PLPP1: variants seen among roughly 807,000 people sequenced by gnomAD.
The protein encoded by PLPP1 is lipid phosphate phosphohydrolase 1a.
Under a neutral mutation model 31.2 loss-of-function variants are expected in PLPP1, and 24 were observed. The observed-to-expected ratio is 0.77, with a 90% CI of 0.56 to 1.08. The LOEUF is 1.08. PLPP1 is among the 50% of genes least tolerant of loss of function. The pLI is 0.00. For synonymous variants in PLPP1, 146 were observed against 126.3 expected, an observed-to-expected ratio of 1.16 and a Z score of -1.05; for missense variants, 319 against 342.7, an observed-to-expected ratio of 0.93 and a Z score of 0.55.
In PLPP1 at chr5:55,448,850, C is replaced by T. The variant is rs1195972572; in HGVS notation, c.492-6942G>A. ...CCAAAATCCATGGATGCTCAAGTCC[C>T]TGATATAAAATGACACAGTATTTGC... On this transcript the variant is annotated intron_variant, in intron 3 of 5. Coordinates refer to ENST00000307259, the MANE Select transcript of PLPP1 (RefSeq NM_003711.4). Among the ~76,000 whole-genome samples the T allele has an allele frequency of 2.0e-5, 3 of 152,252 alleles. No homozygotes were observed. In the East Asian group the frequency reaches 5.8e-4, roughly 29 times the overall value.
chr5:55,447,979 T>C (rs181077421), intron 3 of PLPP1, among the ~76,000 whole-genome samples: 3 of 152,336 alleles, frequency 2.0e-5, no homozygotes, highest in Non-Finnish European at 4.4e-5. Flanking sequence ...AAAGTTTATA[T>C]AACAGCAGAT....
chr5:55,461,774 G>C (rs975782592), intron 3 of PLPP1, among the ~76,000 whole-genome samples: 15 of 151,994 alleles, frequency 9.9e-5, no homozygotes, highest in African/African-American at 3.4e-4. Context: ...GAGAAAAGAA[G>C]TACAGCTCTC....
At position 55,534,280 on chromosome 5, in the gene PLPP1, A is replaced by G. The variant is rs1740794285; in HGVS notation, c.58+292T>C. Reference sequence around the variant, plus strand: ...GGGGAGGAGCCCACCCTGCTCTGCTAGAGTGGAACTGCAAACAGAGGACAG... The same window carrying G: ...GGGGAGGAGCCCACCCTGCTCTGCTGGAGTGGAACTGCAAACAGAGGACAG... On this transcript the variant is annotated intron_variant, in intron 1 of 5. Transcript: ENST00000307259. Among the ~76,000 whole-genome samples the G allele has an allele frequency of 2.0e-5, 3 of 152,310 alleles. No individual in the cohort carries two copies. In the South Asian group the frequency reaches 6.2e-4, roughly 32 times the overall value.
chr5:55,429,099 C>T (rs535731424), intron 4 of PLPP1, among the ~76,000 whole-genome samples: 4 of 152,148 alleles, frequency 2.6e-5, no homozygotes, highest in African/African-American at 4.8e-5. Context: ...GGAATTTATA[C>T]CAGAAGTATG....
intron 4 of PLPP1, among the ~76,000 whole-genome samples, chr5:55,441,168 T>G (rs532592742): frequency 6.6e-6 from 1 of 152,176 alleles, no homozygotes; most frequent in Non-Finnish European, 1.5e-5. Context: ...TTAGTTACTC[T>G]CAAAAAACTA....
At chr5:55,495,635 C>A (rs1752989404) in intron 1 of PLPP1, among the ~76,000 whole-genome samples, 1 of 151,974 alleles carries the variant, frequency 6.6e-6, no homozygotes, top group African/African-American at 2.4e-5. Flanking sequence ...CATAAAGAAA[C>A]TTAGTATTGA....
chr5:55,477,747 T>C (rs1393336274), intron 1 of PLPP1, among the ~76,000 whole-genome samples: 1 of 152,138 alleles, frequency 6.6e-6, no homozygotes, highest in African/African-American at 2.4e-5. Context: ...ACTTTCACTG[T>C]CTACAAAGCA....
At chr5:55,482,570 G>C (rs1017538188) in intron 1 of PLPP1, among the ~76,000 whole-genome samples, 1 of 152,140 alleles carries the variant, frequency 6.6e-6, no homozygotes, top group East Asian at 1.9e-4. Context: ...GCAGCACAGC[G>C]CCTATGTCCC....
chr5:55,476,034 G>A (rs935037778), intron 1 of PLPP1, among the ~76,000 whole-genome samples: 3 of 148,556 alleles, frequency 2.0e-5, no homozygotes, highest in African/African-American at 5.0e-5. Context: ...GCTAGAGTGC[G>A]ATGGTGCGAT....
intron 1 of PLPP1, among the ~76,000 whole-genome samples, chr5:55,521,491 T>C (rs990608908): frequency 1.3e-5 from 2 of 151,932 alleles, no homozygotes. Flanking sequence ...GCACTCAGCC[T>C]GGGCAACAGA....
chr5:55,528,496 C>T (rs1023391445), intron 1 of PLPP1, among the ~76,000 whole-genome samples: 1 of 152,152 alleles, frequency 6.6e-6, no homozygotes, highest in African/African-American at 2.4e-5. Flanking sequence ...TGGTACTGGC[C>T]ACGAAGCTAG....
intron 4 of PLPP1, among the ~76,000 whole-genome samples, chr5:55,430,922 A>G (rs114705456): frequency 8.0e-4 from 122 of 152,326 alleles, no homozygotes; most frequent in African/African-American, 2.9e-3. Flanking sequence ...TCTGAAATTG[A>G]TGAATTCATT....
At chr5:55,527,568 C>T (rs1317442363) in intron 1 of PLPP1, among the ~76,000 whole-genome samples, 2 of 152,198 alleles carry the variant, frequency 1.3e-5, no homozygotes, top group Non-Finnish European at 2.9e-5. Context: ...CTGTTTTAGA[C>T]ATAGATGGGT....
At chr5:55,470,206 T>C (rs1554038953) in intron 2 of PLPP1, among the ~76,000 whole-genome samples, 2 of 152,210 alleles carry the variant, frequency 1.3e-5, no homozygotes, top group Admixed American at 6.5e-5. Context: ...GGGGTCCCAG[T>C]AATTCCTCAC....
chr5:55,486,832 G>A (rs944691736), intron 1 of PLPP1, among the ~76,000 whole-genome samples: 7 of 151,952 alleles, frequency 4.6e-5, no homozygotes, highest in Non-Finnish European at 8.8e-5. Context: ...AGAATCGCTT[G>A]AACCCGGGAG....
chr5:55,448,974 G>A (rs1021819972), intron 3 of PLPP1, among the ~76,000 whole-genome samples: 4 of 152,246 alleles, frequency 2.6e-5, no homozygotes, highest in African/African-American at 7.2e-5. Flanking sequence ...TTGTCCTACT[G>A]TATTGATTAG....
At chr5:55,522,426 C>T (rs985996235) in intron 1 of PLPP1, among the ~76,000 whole-genome samples, 5 of 152,120 alleles carry the variant, frequency 3.3e-5, no homozygotes, top group East Asian at 1.9e-4. Flanking sequence ...TACAGAGTCT[C>T]GCTCTGTTGC....
chr5:55,525,836 T>G (rs1740414067), intron 1 of PLPP1, among the ~76,000 whole-genome samples: 1 of 151,474 alleles, frequency 6.6e-6, no homozygotes, highest in East Asian at 1.9e-4. Flanking sequence ...TAACCACTAT[T>G]CATAATCTCT....
At chr5:55,443,212 T>TATATATATATATATATATATATAC (rs1169152710) in intron 3 of PLPP1, among the ~76,000 whole-genome samples, 11 of 104,996 alleles carry the variant, frequency 1.0e-4, no homozygotes, top group Non-Finnish European at 1.6e-4. Flanking sequence ...TATATATATA[T>TATATATATATATATATATATATAC]ACACACACAC....
Sources: gnomAD v4.1 joint callset for allele counts (sites outside exome capture counted in the v4.1 genomes callset) on GRCh38, gnomAD v4.1.1 for gene constraint, MANE v1.5 for transcripts, NCBI Gene and HGNC (gene_info 2026-07-23, HGNC 2026-07-21) for gene names.